The following TMEM196 variants were observed in gnomAD, a reference collection of about 807,000 sequenced individuals.
The protein encoded by TMEM196 is transmembrane protein 196.
A neutral mutation model predicts 20.0 loss-of-function variants in TMEM196; 17 were observed. The ratio of observed to expected loss-of-function variants is 0.85; its 90% confidence interval spans 0.58 to 1.27. The LOEUF is 1.27. Among genes scored for constraint, TMEM196 ranks in the 50% most tolerant of loss-of-function variants. The probability of loss-of-function intolerance (pLI) is 0.00; values close to 1 mark genes in which losing one functional copy is unlikely to be tolerated. For synonymous variants in TMEM196, 113 were observed against 88.9 expected (o/e 1.27, Z -1.52); for missense variants, 267 against 223.0 (o/e 1.20, Z -1.26).
intron 1 of TMEM196, among the ~76,000 whole-genome samples, chr7:19,767,337 C>T (rs757746468): frequency 1.2e-4 from 19 of 152,190 alleles, no homozygotes; most frequent in Middle Eastern, 3.4e-3. Context: ...GCTTGCCTAA[C>T]TTATCTGATT....
At chr7:19,753,875 A>G (rs117111048) in intron 1 of TMEM196, among the ~76,000 whole-genome samples, 3,901 of 152,212 alleles carry the variant, frequency 0.026, 86 homozygotes, top group South Asian at 0.066. Flanking sequence ...CGAGTTTGGA[A>G]TATCTCTCCT....
chr7:19,751,637 A>G (rs1407986857), intron 1 of TMEM196, among the ~76,000 whole-genome samples: 2 of 152,330 alleles, frequency 1.3e-5, no homozygotes, highest in Non-Finnish European at 2.9e-5. Flanking sequence ...GTATATTTCT[A>G]ATGTCCAATA....
chr7:19,771,551 A>G (rs1165098593), intron 1 of TMEM196, among the ~76,000 whole-genome samples: 1 of 152,252 alleles, frequency 6.6e-6, no homozygotes, highest in Non-Finnish European at 1.5e-5. Flanking sequence ...TGATGGTTAA[A>G]CATGCTACAG....
chr7:19,739,091 A>G (rs569585039), intron 1 of TMEM196, among the ~76,000 whole-genome samples: 17 of 152,122 alleles, frequency 1.1e-4, no homozygotes, highest in Non-Finnish European at 2.1e-4. Flanking sequence ...CACTATTACC[A>G]CTTGTGTTAT....
chr7:19,738,520 T>C (rs1392323915), intron 1 of TMEM196, among the ~76,000 whole-genome samples: 2 of 152,096 alleles, frequency 1.3e-5, no homozygotes, highest in Non-Finnish European at 2.9e-5. Context: ...TGGTTTCTAA[T>C]ACCTTCTCCT....
chr7:19,748,356 A>G (rs959525031), intron 1 of TMEM196, among the ~76,000 whole-genome samples: 1 of 151,752 alleles, frequency 6.6e-6, no homozygotes, highest in Non-Finnish European at 1.5e-5. Context: ...GAGACATTAT[A>G]ATCATTGAGC....
At chr7:19,729,499 A>T (rs1444713414) in intron 1 of TMEM196, 61 bp from the exon 2 acceptor site, 4 of 1,469,610 alleles carry the variant, frequency 2.7e-6, no homozygotes, top group Non-Finnish European at 3.7e-6. Flanking sequence ...CCTAGATTTT[A>T]GCTTGTAGTT....
chr7:19,740,692 G>C (rs75561442), intron 1 of TMEM196, among the ~76,000 whole-genome samples: 4,159 of 152,152 alleles, frequency 0.027, 177 homozygotes, highest in African/African-American at 0.095. Context: ...AAGGAGCTCT[G>C]CTAGCGTTTT....
chr7:19,733,985 G>C (rs573967844), intron 1 of TMEM196, among the ~76,000 whole-genome samples: 2 of 152,126 alleles, frequency 1.3e-5, no homozygotes, highest in African/African-American at 4.8e-5. Context: ...CTACCAATGA[G>C]GGGGAGACAA....
intron 1 of TMEM196, among the ~76,000 whole-genome samples, chr7:19,747,236 C>G (rs917399149): frequency 7.0e-6 from 1 of 143,438 alleles, no homozygotes; most frequent in Non-Finnish European, 1.5e-5. Context: ...GCCTGGGCGA[C>G]AGAGCGAGAC....
At chr7:19,752,392 T>G (rs1424753432) in intron 1 of TMEM196, among the ~76,000 whole-genome samples, 1 of 152,286 alleles carries the variant, frequency 6.6e-6, no homozygotes, top group East Asian at 1.9e-4. Context: ...TCACATTAAT[T>G]ACAGTGTGCC....
intron 1 of TMEM196, among the ~76,000 whole-genome samples, chr7:19,755,297 C>G (rs1282740621): frequency 6.6e-6 from 1 of 152,140 alleles, no homozygotes; most frequent in Non-Finnish European, 1.5e-5. Context: ...TAAACTCCTC[C>G]TGGTCGACTG....
At chr7:19,734,919 C>G (rs28651182) in intron 1 of TMEM196, among the ~76,000 whole-genome samples, 61,580 of 151,850 alleles carry the variant, frequency 0.41, 13,841 homozygotes, top group East Asian at 0.87. Flanking sequence ...GGAAAGCTAT[C>G]AGACAGGAAA....
At position 19,721,467 on chromosome 7, in the gene TMEM196, CTT is replaced by C. The variant is rs1316223526; in HGVS notation, c.*659_*660del. On this transcript the variant is annotated 3_prime_UTR_variant, in exon 5 of 5. Transcript: ENST00000405844. ...TGATATTCACATATAACTTTTCACT[CTT>C]TGTGCAAAAATGCAAAAATACCATA... The C allele has an allele frequency of 2.6e-5, 4 of 152,018 alleles. No homozygotes were observed. Among genetic ancestry groups the C allele is most frequent in the East Asian group, 1.9e-4 (1 of 5,202 alleles). 9.4% of individuals were successfully genotyped at this position (152,018 alleles called of 1,614,324 possible). A position where few individuals can be genotyped will look rare whatever the true frequency, so the allele number is the denominator to read the frequency against.
chr7:19,754,796 G>C (rs1785136591), intron 1 of TMEM196, among the ~76,000 whole-genome samples: 1 of 152,114 alleles, frequency 6.6e-6, no homozygotes, highest in Non-Finnish European at 1.5e-5. Context: ...AGAGACAGTT[G>C]GATCACATGA....
chr7:19,749,821 C>T (rs1012968334), intron 1 of TMEM196, among the ~76,000 whole-genome samples: 4 of 152,258 alleles, frequency 2.6e-5, no homozygotes, highest in South Asian at 4.1e-4. Flanking sequence ...AAGCTCAGCC[C>T]GCTGCAGTGG....
At chr7:19,749,547 T>G (rs1784882273) in intron 1 of TMEM196, among the ~76,000 whole-genome samples, 1 of 152,174 alleles carries the variant, frequency 6.6e-6, no homozygotes, top group African/African-American at 2.4e-5. Flanking sequence ...TAAATTTTTT[T>G]GTGTATATTT....
At chr7:19,766,044 A>G (rs1219203015) in intron 1 of TMEM196, among the ~76,000 whole-genome samples, 3 of 152,260 alleles carry the variant, frequency 2.0e-5, no homozygotes, top group African/African-American at 7.2e-5. Context: ...CAGGCCCAGA[A>G]CTAGCAGCTT....
rs73274049 is a variant in TMEM196 at position 19,730,970 on chromosome 7, A to G, written c.148-1532T>C. 1.1e-3 allele frequency among the ~76,000 whole-genome samples: 163 copies of G among 152,330 alleles called. 1 individual carries two copies. Among genetic ancestry groups the G allele is most frequent in the African/African-American group, 3.9e-3 (161 of 41,586 alleles). The stretch of plus-strand genomic sequence containing the variant: ...CGTTCCCTAACATACACCAAAATTA[A>G]TGTAAAATTGAGTATTTATACAAAA... On this transcript the variant is annotated intron_variant, in intron 1 of 4. Transcript: ENST00000405844.
Sources: gnomAD v4.1 joint callset for allele counts (sites outside exome capture counted in the v4.1 genomes callset) on GRCh38, gnomAD v4.1.1 for gene constraint, MANE v1.5 for transcripts, NCBI Gene and HGNC (gene_info 2026-07-23, HGNC 2026-07-21) for gene names.